Variants in HDAC9 observed in about 807,000 individuals in gnomAD.
The protein encoded by HDAC9 is histone deacetylase 9.
Under a neutral mutation model 139.4 loss-of-function variants are expected in HDAC9, and 41 were observed. That is an observed-to-expected ratio of 0.29 (90% CI 0.23 to 0.38). HDAC9 has a LOEUF of 0.38. HDAC9 is among the 10% of genes least tolerant of loss of function. The pLI is 1.00. For synonymous variants in HDAC9, 517 were observed against 476.2 expected, an observed-to-expected ratio of 1.09 and a Z score of -1.12; for missense variants, 1,147 against 1,297.0, an observed-to-expected ratio of 0.88 and a Z score of 1.78.
chr7:18,384,989 C>G (rs1273187622), intron 1 of HDAC9, among the ~76,000 whole-genome samples: 1 of 152,124 alleles, frequency 6.6e-6, no homozygotes, highest in Non-Finnish European at 1.5e-5. Flanking sequence ...CTTTCTGTTT[C>G]TATTTACCTT....
rs1797042272 is a variant in HDAC9 at position 18,848,298 on chromosome 7, G to C, written c.2684+12301G>C. 2.6e-5 allele frequency among the ~76,000 whole-genome samples: 4 copies of C among 152,246 alleles called. No homozygotes were observed. The South Asian group carries it at 8.3e-4, about 32-fold the overall frequency. On this transcript the variant is annotated intron_variant, in intron 21 of 25. Coordinates refer to ENST00000686413, the MANE Select transcript of HDAC9 (RefSeq NM_178425.4). ...ATCATACTCAGCTCGTTTTAAGTAT[G>C]TATGTTTTTCATTAGGCACTGTTAT...
chr7:18,104,122 T>G (rs1783038871), intron 1 of HDAC9, among the ~76,000 whole-genome samples: 1 of 152,208 alleles, frequency 6.6e-6, no homozygotes, highest in Admixed American at 6.5e-5. Context: ...AAGGGGAGCA[T>G]GTGCAAACTC....
At chr7:18,794,141 C>A (rs1035541764) in intron 17 of HDAC9, among the ~76,000 whole-genome samples, 2 of 152,260 alleles carry the variant, frequency 1.3e-5, no homozygotes, top group South Asian at 4.1e-4. Flanking sequence ...ACGCCATGTG[C>A]GTCTTGAATG....
chr7:18,591,368 G>T, intron 4 of HDAC9, 148 bp from the exon 5 acceptor site: 1 of 1,152,392 alleles, frequency 8.7e-7, no homozygotes, highest in Non-Finnish European at 1.1e-6. Flanking sequence ...CTTTTAATAG[G>T]AAAACTTTAT....
At chr7:18,568,832 G>A in intron 2 of HDAC9, among the ~76,000 whole-genome samples, 1 of 152,224 alleles carries the variant, frequency 6.6e-6, no homozygotes, top group Admixed American at 6.5e-5. Context: ...TGGATCACCT[G>A]AGGTTGGGAG....
rs547073104 is a variant in HDAC9 at position 18,174,668 on chromosome 7, A to T, written c.25+12319A>T. 1.2e-4 allele frequency among the ~76,000 whole-genome samples: 19 copies of T among 152,228 alleles called. No individual in the cohort carries two copies. In the East Asian group the frequency reaches 3.7e-3, roughly 29 times the overall value. ...TGTCCTTTCTGTTGATGTTGATGCT[A>T]TTCCTTTCTGTTTGTTAGTTTTCCT... On this transcript the variant is annotated intron_variant, in intron 2 of 12. Transcript: ENST00000417496.
intron 16 of HDAC9, among the ~76,000 whole-genome samples, chr7:18,776,166 C>T (rs920347912): frequency 6.6e-6 from 1 of 152,040 alleles, no homozygotes; most frequent in Non-Finnish European, 1.5e-5. Flanking sequence ...TAGTCTCAAA[C>T]TCCCTGCCTC....
At chr7:18,183,170 C>T (rs1039442955) in intron 2 of HDAC9, among the ~76,000 whole-genome samples, 7 of 151,064 alleles carry the variant, frequency 4.6e-5, no homozygotes, top group East Asian at 1.9e-4. Context: ...CCACCACACC[C>T]GGCTAATTTT....
At chr7:18,168,270 T>C (rs1788138914) in intron 2 of HDAC9, among the ~76,000 whole-genome samples, 1 of 152,364 alleles carries the variant, frequency 6.6e-6, no homozygotes, top group South Asian at 2.1e-4. Flanking sequence ...TTGTTCTTTA[T>C]TGCATTTTGG....
chr7:18,245,451 T>C (rs1794462236), intron 2 of HDAC9, among the ~76,000 whole-genome samples: 1 of 152,092 alleles, frequency 6.6e-6, no homozygotes, highest in East Asian at 1.9e-4. Context: ...TCTAGCTCAG[T>C]AGCCTCATGG....
chr7:18,520,147 T>G (rs1804563272), intron 2 of HDAC9, among the ~76,000 whole-genome samples: 1 of 152,170 alleles, frequency 6.6e-6, no homozygotes, highest in Non-Finnish European at 1.5e-5. Context: ...TGTTTATTAA[T>G]AATTAAAAGT....
intron 2 of HDAC9, among the ~76,000 whole-genome samples, chr7:18,215,317 C>A (rs535692210): frequency 1.3e-5 from 2 of 152,068 alleles, no homozygotes; most frequent in African/African-American, 4.8e-5. Context: ...GAGAAAGTCC[C>A]GGTCCTTTCT....
intron 2 of HDAC9, among the ~76,000 whole-genome samples, chr7:18,214,309 C>T (rs1329687489): frequency 6.6e-6 from 1 of 151,964 alleles, no homozygotes; most frequent in Non-Finnish European, 1.5e-5. Flanking sequence ...ATCTTTAATT[C>T]CACCCATTAA....
intron 2 of HDAC9, among the ~76,000 whole-genome samples, chr7:18,251,910 A>G (rs116694150): frequency 1.3e-5 from 2 of 152,228 alleles, no homozygotes; most frequent in East Asian, 1.9e-4. Flanking sequence ...AAGGAGGGAA[A>G]TTAGATGCAC....
In HDAC9 at chr7:18,835,839, T is replaced by A. The variant is rs1796199424; in HGVS notation, c.2587-61T>A. ...GCTCCCATGTGCTTGTTTTCCTCTC[T>A]TCTTGCTTTCTTCCATTTGCTCTCT... On this transcript the variant is annotated intron_variant, in intron 20 of 25. Transcript: ENST00000686413. 4 of 1,195,190 alleles carry A rather than the reference T, an allele frequency of 3.3e-6. No individual in the cohort carries two copies. In the Admixed American group the frequency reaches 6.5e-5, roughly 19 times the overall value. 74.0% of individuals were successfully genotyped at this position (1,195,190 alleles called of 1,614,324 possible).
At chr7:18,688,200 A>G (rs1256987596) in intron 12 of HDAC9, among the ~76,000 whole-genome samples, 2 of 151,868 alleles carry the variant, frequency 1.3e-5, no homozygotes, top group Non-Finnish European at 2.9e-5. Context: ...AATAAAAAAT[A>G]GGATTTCAAA....
chr7:18,736,541 G>A (rs1253302229), intron 13 of HDAC9, among the ~76,000 whole-genome samples: 1 of 152,158 alleles, frequency 6.6e-6, no homozygotes, highest in Non-Finnish European at 1.5e-5. Flanking sequence ...TACGTTTATT[G>A]ATTTGTGTAT....
At chr7:18,741,964 C>G (rs1440721196) in intron 13 of HDAC9, among the ~76,000 whole-genome samples, 1 of 152,144 alleles carries the variant, frequency 6.6e-6, no homozygotes, top group Non-Finnish European at 1.5e-5. Flanking sequence ...CATTATAAAA[C>G]TTGAATTAAT....
At chr7:18,722,915 T>C (rs1294456577) in intron 12 of HDAC9, among the ~76,000 whole-genome samples, 2 of 152,212 alleles carry the variant, frequency 1.3e-5, no homozygotes, top group Non-Finnish European at 2.9e-5. Flanking sequence ...TTTAACTGTT[T>C]AGTTTAAATA....
Sources: allele counts gnomAD v4.1 joint callset (sites outside exome capture counted in the v4.1 genomes callset), GRCh38; gene constraint gnomAD v4.1.1; transcripts MANE v1.5; gene names NCBI Gene and HGNC (gene_info 2026-07-23, HGNC 2026-07-21).